DSCAML1: variants seen among roughly 807,000 people sequenced by gnomAD.
DSCAML1 encodes the protein cell adhesion molecule DSCAML1.
DSCAML1 carries 38 observed loss-of-function variants against 200.5 expected under a neutral mutation model. The observed-to-expected ratio is 0.19, with a 90% CI of 0.15 to 0.25. The LOEUF (loss-of-function observed/expected upper bound fraction) is 0.25. Ranked by LOEUF, DSCAML1 falls within the 10% of genes least tolerant of loss-of-function variation. The pLI, the probability that DSCAML1 is intolerant of heterozygous loss-of-function variation, is 1.00. For missense variants in DSCAML1, 2,223 were observed against 2,858.8 expected (o/e 0.78, Z 5.07); for synonymous variants, 1,215 against 1,165.0 (o/e 1.04, Z -0.87).
At chr11:117,554,809 C>T (rs1486407789) in intron 3 of DSCAML1, among the ~76,000 whole-genome samples, 1 of 152,178 alleles carries the variant, frequency 6.6e-6, no homozygotes, top group Admixed American at 6.5e-5. Flanking sequence ...CCTGGGTCAG[C>T]CCTGAACTGC....
At chr11:117,592,913 C>A (rs559927094) in intron 3 of DSCAML1, among the ~76,000 whole-genome samples, 2 of 152,254 alleles carry the variant, frequency 1.3e-5, no homozygotes, top group Non-Finnish European at 2.9e-5. Flanking sequence ...TCAGGCAGCA[C>A]GGGGTGTGAA....
intron 3 of DSCAML1, among the ~76,000 whole-genome samples, chr11:117,703,974 C>T (rs1054113600): frequency 1.3e-5 from 2 of 152,154 alleles, no homozygotes; most frequent in Non-Finnish European, 2.9e-5. Flanking sequence ...CCCCATTTTA[C>T]AGATGAGGAA....
At chr11:117,491,698 C>T (rs915943077) in intron 11 of DSCAML1, among the ~76,000 whole-genome samples, 12 of 152,184 alleles carry the variant, frequency 7.9e-5, no homozygotes, top group Non-Finnish European at 1.6e-4. Context: ...TGCTTGCACC[C>T]AGGAGGTGGA....
At chr11:117,458,396 C>G (rs1163929544) in intron 19 of DSCAML1, among the ~76,000 whole-genome samples, 1 of 152,182 alleles carries the variant, frequency 6.6e-6, no homozygotes, top group Non-Finnish European at 1.5e-5. Flanking sequence ...TCCTGCTTCC[C>G]CTAGCCCCAG....
At chr11:117,434,565 TATAATC>T (rs1291640877) in intron 27 of DSCAML1, among the ~76,000 whole-genome samples, 4 of 152,044 alleles carry the variant, frequency 2.6e-5, no homozygotes, top group East Asian at 3.9e-4. Context: ...CAACTATTCA[TATAATC>T]ATTATCTGGC....
At chr11:117,795,410 G>A (rs1283082145) in intron 1 of DSCAML1, among the ~76,000 whole-genome samples, 6 of 152,186 alleles carry the variant, frequency 3.9e-5, no homozygotes. Context: ...AGCCTGCGGG[G>A]GCGGAGGGAG....
chr11:117,721,372 C>T (rs1351553452), intron 3 of DSCAML1, among the ~76,000 whole-genome samples: 2 of 152,184 alleles, frequency 1.3e-5, no homozygotes, highest in Non-Finnish European at 2.9e-5. Context: ...ATATGTCACT[C>T]TCCAGGTGCC....
At chr11:117,807,890 C>T (rs1421180047) in intron 1 of DSCAML1, among the ~76,000 whole-genome samples, 1 of 152,158 alleles carries the variant, frequency 6.6e-6, no homozygotes, top group Non-Finnish European at 1.5e-5. Context: ...GGCGTGGTCT[C>T]GGCTCACTGC....
chr11:117,765,068 G>C (rs981569582), intron 3 of DSCAML1, among the ~76,000 whole-genome samples: 1 of 152,174 alleles, frequency 6.6e-6, no homozygotes, highest in Admixed American at 6.5e-5. Flanking sequence ...TGGGTATTCA[G>C]ACATACTTTG....
chr11:117,769,086 TA>T (rs1241742963), intron 3 of DSCAML1, among the ~76,000 whole-genome samples: 1 of 130,012 alleles, frequency 7.7e-6, no homozygotes, highest in African/African-American at 2.9e-5. Context: ...AATCTATATA[TA>T]ATATATATTT....
At chr11:117,774,047 C>T (rs1032924325) in intron 3 of DSCAML1, among the ~76,000 whole-genome samples, 17 of 152,214 alleles carry the variant, frequency 1.1e-4, no homozygotes, top group African/African-American at 3.9e-4. Context: ...GGGGAAGCTC[C>T]CTGCCTCCAG....
Position 117,748,675 on chromosome 11 carries a change from G to A in DSCAML1, c.511+28116C>T, listed in dbSNP as rs554685467. Among the ~76,000 whole-genome samples, 3 of 152,324 alleles carry A rather than the reference G, an allele frequency of 2.0e-5. 1 individual carries two copies. The highest frequency in any genetic ancestry group is 7.2e-5 in the African/African-American group (3 of 41,582). On this transcript the variant is annotated intron_variant, in intron 3 of 32. Transcript: ENST00000651296. ...AAGGAGGGGAGGGCTGGGACTCCAG[G>A]CTGGTAGTGTTGCATGTTGCCCAGC...
chr11:117,631,919 C>A (rs574136247), intron 3 of DSCAML1, among the ~76,000 whole-genome samples: 1 of 152,292 alleles, frequency 6.6e-6, no homozygotes, highest in African/African-American at 2.4e-5. Context: ...GTCACAGGCC[C>A]CTAGCAGGCC....
chr11:117,545,838 G>A (rs943136378), intron 3 of DSCAML1, among the ~76,000 whole-genome samples: 4 of 152,208 alleles, frequency 2.6e-5, no homozygotes, highest in African/African-American at 4.8e-5. Context: ...CTCATCCCCC[G>A]TGGAGGAAAC....
chr11:117,765,751 C>A (rs996304009), intron 3 of DSCAML1, among the ~76,000 whole-genome samples: 1 of 152,174 alleles, frequency 6.6e-6, no homozygotes, highest in African/African-American at 2.4e-5. Context: ...TGAATCCTCA[C>A]AACTGAAAAA....
intron 3 of DSCAML1, among the ~76,000 whole-genome samples, chr11:117,709,280 A>T (rs775205668): frequency 2.6e-5 from 4 of 152,182 alleles, no homozygotes; most frequent in Non-Finnish European, 4.4e-5. Flanking sequence ...GGAGACTGCA[A>T]GTCTAAGGTC....
At chr11:117,439,515 C>A (rs988013462) in intron 22 of DSCAML1, 86 bp from the exon 23 acceptor site, 72 of 1,520,982 alleles carry the variant, frequency 4.7e-5, no homozygotes, top group Non-Finnish European at 6.1e-5. Flanking sequence ...ACAAAGAGAG[C>A]TGGGGGTGGA....
chr11:117,638,633 G>A (rs950353538), intron 3 of DSCAML1, among the ~76,000 whole-genome samples: 3 of 152,102 alleles, frequency 2.0e-5, no homozygotes, highest in African/African-American at 7.2e-5. Context: ...CATACAATAT[G>A]TAGTTTTTTT....
chr11:117,684,285 T>C (rs1247291393), intron 3 of DSCAML1, among the ~76,000 whole-genome samples: 1 of 151,748 alleles, frequency 6.6e-6, no homozygotes, highest in African/African-American at 2.4e-5. Context: ...CTTCTCCTTC[T>C]TTCTCCCCAC....
Sources: allele counts gnomAD v4.1 joint callset (sites outside exome capture counted in the v4.1 genomes callset), GRCh38; gene constraint gnomAD v4.1.1; transcripts MANE v1.5; gene names NCBI Gene and HGNC (gene_info 2026-07-23, HGNC 2026-07-21).